The following ARHGAP10 variants were observed in gnomAD, a reference collection of about 807,000 sequenced individuals.
The protein encoded by ARHGAP10 is Rho GTPase activating protein 10, also known as rho GTPase-activating protein 10.
A neutral mutation model predicts 108.6 loss-of-function variants in ARHGAP10; 87 were observed. The ratio of observed to expected loss-of-function variants is 0.80; its 90% confidence interval spans 0.67 to 0.96. The LOEUF (loss-of-function observed/expected upper bound fraction) is 0.96. Ranked by LOEUF, ARHGAP10 falls within the 40% of genes least tolerant of loss-of-function variation. The pLI is 0.00. For missense variants in ARHGAP10, 939 were observed against 954.5 expected (o/e 0.98, Z 0.21); for synonymous variants, 347 against 341.1 (o/e 1.02, Z -0.19).
chr4:148,004,160 A>G (rs1046475436), intron 18 of ARHGAP10, among the ~76,000 whole-genome samples: 1 of 152,236 alleles, frequency 6.6e-6, no homozygotes, highest in African/African-American at 2.4e-5. Context: ...GTCTGAATCC[A>G]GTCTGGACAA....
intron 1 of ARHGAP10, among the ~76,000 whole-genome samples, chr4:147,819,109 A>T (rs879632617): frequency 2.0e-5 from 3 of 152,250 alleles, no homozygotes; most frequent in Non-Finnish European, 2.9e-5. Flanking sequence ...AACATTTTCA[A>T]CTAATGAAAT....
chr4:147,747,889 C>G (rs1041311399), intron 1 of ARHGAP10, among the ~76,000 whole-genome samples: 1 of 152,030 alleles, frequency 6.6e-6, no homozygotes, highest in Non-Finnish European at 1.5e-5. Context: ...ACTCTTTTTC[C>G]CTAGACCAGT....
At chr4:147,792,510 A>C (rs1393646346) in intron 1 of ARHGAP10, among the ~76,000 whole-genome samples, 1 of 152,174 alleles carries the variant, frequency 6.6e-6, no homozygotes, top group African/African-American at 2.4e-5. Flanking sequence ...ATGAACACCT[A>C]CGAGCTCATC....
intron 5 of ARHGAP10, chr4:147,863,864 A>T (rs1252588863): frequency 6.6e-6 from 1 of 152,198 alleles, no homozygotes; most frequent in Non-Finnish European, 1.5e-5. Context: ...CCCACTAATG[A>T]TGCACAAGGG....
intron 3 of ARHGAP10, among the ~76,000 whole-genome samples, chr4:147,839,056 T>G (rs1319906707): frequency 1.3e-5 from 2 of 152,138 alleles, no homozygotes; most frequent in Non-Finnish European, 2.9e-5. Flanking sequence ...TAACAGATCA[T>G]TTTGGGAAAA....
chr4:147,965,996 G>T (rs1447831065), intron 17 of ARHGAP10, among the ~76,000 whole-genome samples: 3 of 152,204 alleles, frequency 2.0e-5, no homozygotes, highest in Non-Finnish European at 4.4e-5. Flanking sequence ...TCTTTGAATT[G>T]AGACCTGAAT....
chr4:147,890,690 G>A (rs1042265121), intron 10 of ARHGAP10, among the ~76,000 whole-genome samples: 1 of 152,142 alleles, frequency 6.6e-6, no homozygotes, highest in Non-Finnish European at 1.5e-5. Context: ...AACTGGGTGT[G>A]GTGGTGGGTG....
At chr4:147,944,533 C>A (rs576875502) in intron 14 of ARHGAP10, among the ~76,000 whole-genome samples, 3 of 152,314 alleles carry the variant, frequency 2.0e-5, no homozygotes, top group Admixed American at 6.5e-5. Context: ...CCTTCATCAT[C>A]CCAAGCCTAA....
intron 7 of ARHGAP10, among the ~76,000 whole-genome samples, chr4:147,871,820 G>T (rs138976791): frequency 1.6e-4 from 25 of 152,290 alleles, no homozygotes; most frequent in African/African-American, 5.1e-4. Flanking sequence ...AAAAATAGTG[G>T]CTGGGGATGG....
intron 1 of ARHGAP10, among the ~76,000 whole-genome samples, chr4:147,782,027 A>C (rs1421746013): frequency 6.6e-6 from 1 of 152,218 alleles, no homozygotes; most frequent in Non-Finnish European, 1.5e-5. Flanking sequence ...TTTACCGCTT[A>C]GTATGTCTCT....
At chr4:147,874,134 C>G (rs559036905) in intron 7 of ARHGAP10, among the ~76,000 whole-genome samples, 5 of 152,090 alleles carry the variant, frequency 3.3e-5, no homozygotes, top group Admixed American at 3.3e-4. Context: ...CATTTTGCCA[C>G]GCTTAGGACC....
At chr4:148,063,776 G>A (rs931539451) in intron 21 of ARHGAP10, among the ~76,000 whole-genome samples, 2 of 152,170 alleles carry the variant, frequency 1.3e-5, no homozygotes, top group African/African-American at 4.8e-5. Flanking sequence ...CACCAGTGAG[G>A]TGAGGCGTTT....
chr4:147,804,601 A>G (rs951398741), intron 1 of ARHGAP10, among the ~76,000 whole-genome samples: 4 of 152,088 alleles, frequency 2.6e-5, no homozygotes, highest in African/African-American at 9.7e-5. Flanking sequence ...TTATATTTCC[A>G]TTAGCAGTGT....
chr4:148,066,205 G>A (rs937809379), intron 22 of ARHGAP10, among the ~76,000 whole-genome samples: 4 of 152,104 alleles, frequency 2.6e-5, no homozygotes, highest in Admixed American at 6.5e-5. Flanking sequence ...ACACTCTGGC[G>A]GAAGGAGGTG....
intron 1 of ARHGAP10, among the ~76,000 whole-genome samples, chr4:147,751,955 G>T (rs755255846): frequency 5.4e-5 from 8 of 147,996 alleles, no homozygotes; most frequent in African/African-American, 1.8e-4. Context: ...GCATGATCTC[G>T]ACTCACTGCC....
At chr4:147,938,706 A>G (rs1738047387) in intron 13 of ARHGAP10, among the ~76,000 whole-genome samples, 1 of 152,138 alleles carries the variant, frequency 6.6e-6, no homozygotes, top group Non-Finnish European at 1.5e-5. Flanking sequence ...GTCAAATTCC[A>G]TGGCCTTTTG....
chr4:147,948,864 G>T (rs1486923716), intron 15 of ARHGAP10, among the ~76,000 whole-genome samples: 1 of 151,654 alleles, frequency 6.6e-6, no homozygotes, highest in Non-Finnish European at 1.5e-5. Flanking sequence ...TACTCGGGAG[G>T]CTGAGGCAGG....
intron 19 of ARHGAP10, among the ~76,000 whole-genome samples, chr4:148,044,098 C>T (rs1329700683): frequency 6.6e-6 from 1 of 152,062 alleles, no homozygotes; most frequent in Non-Finnish European, 1.5e-5. Flanking sequence ...GTTATTTTCA[C>T]TTGAGGGTTC....
intron 15 of ARHGAP10, among the ~76,000 whole-genome samples, chr4:147,953,599 C>G (rs995673626): frequency 6.8e-6 from 1 of 146,488 alleles, no homozygotes; most frequent in Non-Finnish European, 1.5e-5. Flanking sequence ...TGCACTGATT[C>G]TGCAGTCACC....
Sources: allele counts gnomAD v4.1 joint callset (sites outside exome capture counted in the v4.1 genomes callset), GRCh38; gene constraint gnomAD v4.1.1; transcripts MANE v1.5; gene names NCBI Gene and HGNC (gene_info 2026-07-23, HGNC 2026-07-21).